Variants in GPC5 observed in about 807,000 individuals in gnomAD.
GPC5 encodes glypican 5.
In GPC5, 47 loss-of-function variants were observed where a neutral mutation model predicts 53.9. The ratio of observed to expected loss-of-function variants is 0.87; its 90% CI spans 0.69 to 1.11. The LOEUF is 1.11. GPC5 is among the 50% of genes most tolerant of loss of function. The pLI, the probability that GPC5 is intolerant of heterozygous loss-of-function variation, is 0.00. For missense variants in GPC5, 748 were observed against 713.1 expected, an observed-to-expected ratio of 1.05 and a Z score of -0.56; for synonymous variants, 286 against 263.3, an observed-to-expected ratio of 1.09 and a Z score of -0.84.
At chr13:92,570,952 A>C (rs1242152142) in intron 7 of GPC5, among the ~76,000 whole-genome samples, 1 of 152,166 alleles carries the variant, frequency 6.6e-6, no homozygotes, top group Admixed American at 6.6e-5. Context: ...ATAGCTGGCG[A>C]GTGACTGCTC....
At chr13:92,600,342 G>A (rs1000657574) in intron 7 of GPC5, among the ~76,000 whole-genome samples, 10 of 151,958 alleles carry the variant, frequency 6.6e-5, no homozygotes, top group African/African-American at 2.4e-4. Flanking sequence ...CTTTCTTAAG[G>A]GCACAGCAAT....
At chr13:91,715,790 C>CTG (rs2036324467) in intron 3 of GPC5, among the ~76,000 whole-genome samples, 1 of 149,646 alleles carries the variant, frequency 6.7e-6, no homozygotes, top group Admixed American at 6.7e-5. Context: ...CTCTCTCTCT[C>CTG]TCTCTCTCTC....
chr13:92,866,601 T>TA lies in GPC5; in HGVS notation c.*166dup. On this transcript the variant is annotated 3_prime_UTR_variant, in exon 8 of 8. Coordinates refer to ENST00000377067, the MANE Select transcript of GPC5 (RefSeq NM_004466.6). Reference sequence around the variant, plus strand: ...CAAGCTGAAATATTCATAAAGTCCCTAAAACTCAACGTTTAAATGACACAC... The same window carrying TA: ...CAAGCTGAAATATTCATAAAGTCCCTAAAAACTCAACGTTTAAATGACACAC... 1.9e-6 allele frequency: 1 copy of TA among 516,016 alleles called. No individual in the cohort carries two copies. Among genetic ancestry groups the TA allele is most frequent in the Non-Finnish European group, 3.2e-6 (1 of 312,258 alleles). 32.0% of individuals were successfully genotyped at this position (516,016 alleles called of 1,614,324 possible).
chr13:91,865,734 A>G (rs1400747118), intron 5 of GPC5, among the ~76,000 whole-genome samples: 1 of 151,024 alleles, frequency 6.6e-6, no homozygotes, highest in Non-Finnish European at 1.5e-5. Context: ...CTCTCTCCTC[A>G]TTTCTCTCTT....
intron 2 of GPC5, among the ~76,000 whole-genome samples, chr13:91,679,310 G>C (rs1261857651): frequency 6.6e-6 from 1 of 152,158 alleles, no homozygotes; most frequent in African/African-American, 2.4e-5. Context: ...AAAGTTCTAA[G>C]ACTTTGAGTC....
chr13:91,473,142 A>T (rs1882731440), intron 2 of GPC5, among the ~76,000 whole-genome samples: 1 of 152,094 alleles, frequency 6.6e-6, no homozygotes, highest in Non-Finnish European at 1.5e-5. Context: ...AAAACAATCA[A>T]ATCTCATGAG....
intron 7 of GPC5, among the ~76,000 whole-genome samples, chr13:92,743,410 G>A (rs1345671206): frequency 6.6e-6 from 1 of 152,102 alleles, no homozygotes; most frequent in Non-Finnish European, 1.5e-5. Flanking sequence ...GTATTAGAAT[G>A]CTTGTGATTT....
chr13:91,988,338 T>A (rs1403846917), intron 6 of GPC5, among the ~76,000 whole-genome samples: 1 of 152,140 alleles, frequency 6.6e-6, no homozygotes, highest in Admixed American at 6.6e-5. Flanking sequence ...TCAGAATTGT[T>A]CTGGGTTGGA....
intron 2 of GPC5, among the ~76,000 whole-genome samples, chr13:91,589,549 G>A (rs534138204): frequency 6.6e-6 from 1 of 152,266 alleles, no homozygotes; most frequent in African/African-American, 2.4e-5. Context: ...TTCAGGTGGT[G>A]AGAAGGGATA....
chr13:92,513,117 G>A lies in GPC5; in HGVS notation c.1562-353165G>A, dbSNP rs185965751. Among the ~76,000 whole-genome samples the A allele has an allele frequency of 9.8e-5, 15 of 152,302 alleles. No individual in the cohort carries two copies. The East Asian group carries it at 2.7e-3, about 27-fold the overall frequency. On this transcript the variant is annotated intron_variant, in intron 7 of 7. Coordinates refer to ENST00000377067, the MANE Select transcript of GPC5 (RefSeq NM_004466.6). ...GGCGGAAGGCCATGTTACACTCAGA[G>A]GGATGGGAAGACGTATTGTTCGTAC...
intron 7 of GPC5, among the ~76,000 whole-genome samples, chr13:92,656,959 C>T (rs1277858752): frequency 6.6e-6 from 1 of 152,048 alleles, no homozygotes; most frequent in East Asian, 1.9e-4. Flanking sequence ...GACAGAGACC[C>T]TGTCTTAAAA....
chr13:91,519,869 G>T (rs2351870), intron 2 of GPC5, among the ~76,000 whole-genome samples: 1 of 150,512 alleles, frequency 6.6e-6, no homozygotes, highest in Non-Finnish European at 1.5e-5. Flanking sequence ...TCTAGAGTAC[G>T]TTAGGTTGAA....
chr13:92,276,490 AAC>A (rs1214923846), intron 7 of GPC5, among the ~76,000 whole-genome samples: 1 of 152,116 alleles, frequency 6.6e-6, no homozygotes, highest in African/African-American at 2.4e-5. Flanking sequence ...AGATTCAAAA[AAC>A]ACAATATTTA....
chr13:92,860,836 T>C (rs1879156054), intron 7 of GPC5, among the ~76,000 whole-genome samples: 1 of 152,150 alleles, frequency 6.6e-6, no homozygotes, highest in Non-Finnish European at 1.5e-5. Flanking sequence ...GTTGCTGCAA[T>C]ATAATTTTTG....
intron 6 of GPC5, among the ~76,000 whole-genome samples, chr13:91,945,907 C>T (rs183377414): frequency 8.5e-5 from 13 of 152,196 alleles, no homozygotes; most frequent in Non-Finnish European, 1.5e-4. Flanking sequence ...AGTTATTTTT[C>T]GGGGAATTCG....
chr13:92,856,037 C>A (rs1878986657), intron 7 of GPC5, among the ~76,000 whole-genome samples: 1 of 151,890 alleles, frequency 6.6e-6, no homozygotes. Flanking sequence ...GATACCAAAA[C>A]CTGGCAAAAA....
At chr13:92,674,863 C>A (rs1886884060) in intron 7 of GPC5, among the ~76,000 whole-genome samples, 2 of 151,308 alleles carry the variant, frequency 1.3e-5, no homozygotes, top group Admixed American at 1.3e-4. Flanking sequence ...ACTTTTGTGA[C>A]ACTTCACTAA....
chr13:92,362,110 A>G (rs2139282744), intron 7 of GPC5, among the ~76,000 whole-genome samples: 1 of 151,876 alleles, frequency 6.6e-6, no homozygotes, highest in East Asian at 1.9e-4. Context: ...CAGATAATTA[A>G]ACAATATCTT....
chr13:91,409,133 G>A (rs957245105), intron 1 of GPC5, among the ~76,000 whole-genome samples: 1 of 152,232 alleles, frequency 6.6e-6, no homozygotes, highest in South Asian at 2.1e-4. Flanking sequence ...GTTATACCGA[G>A]CTACATTTGG....
Sources: allele counts gnomAD v4.1 joint callset (sites outside exome capture counted in the v4.1 genomes callset), GRCh38; gene constraint gnomAD v4.1.1; transcripts MANE v1.5; gene names NCBI Gene and HGNC (gene_info 2026-07-23, HGNC 2026-07-21).